Variants in HRNR observed in about 807,000 individuals in gnomAD.
The protein encoded by HRNR is hornerin, also known as filaggrin family member 3.
HRNR carries 7 observed loss-of-function variants against 4.8 expected under a neutral mutation model. That is an observed-to-expected ratio of 1.47 (90% CI 0.83 to 2.75). HRNR has a LOEUF of 2.75. Among genes scored for constraint, HRNR ranks in the 30% most tolerant of loss-of-function variants. HRNR has a pLI of 0.00. For missense variants in HRNR, 2,879 were observed against 3,010.4 expected (o/e 0.96, Z 1.02); for synonymous variants, 1,023 against 1,242.7 (o/e 0.82, Z 3.72).
At position 152,219,481 on chromosome 1, in the gene HRNR, A is replaced by G. The variant is rs765589553; in HGVS notation, c.2148T>C (p.His716=). ...GSGQSSGYSQ[H]GSGSSHSSGY... ...CGGAGGAGTGACTTGAGCCAGATCCATGCTGACTGTAACCAGAGGACTGCC... is the reference window on the plus strand; with the variant it reads ...CGGAGGAGTGACTTGAGCCAGATCCGTGCTGACTGTAACCAGAGGACTGCC... Residue 716 remains histidine (H), a synonymous_variant, in exon 3 of 3, where the codon CAT becomes CAC. Coordinates refer to ENST00000368801, the MANE Select transcript of HRNR (RefSeq NM_001009931.3). 2 of 1,613,990 alleles carry G rather than the reference A, an allele frequency of 1.2e-6. No individual in the cohort carries two copies. Among genetic ancestry groups the G allele is most frequent in the South Asian group, 2.2e-5 (2 of 91,058 alleles).
At position 152,213,217 on chromosome 1, in the gene HRNR, G is replaced by A. The variant is rs769503156; in HGVS notation, c.8412C>T (p.Gly2804=). 6.8e-5 allele frequency: 109 copies of A among 1,613,996 alleles called. No individual in the cohort carries two copies. Among genetic ancestry groups the A allele is most frequent in the Non-Finnish European group, 9.1e-5 (107 of 1,180,036 alleles). Residue 2804 remains glycine, a synonymous_variant, in exon 3 of 3, where the codon GGC becomes GGT. Coordinates refer to ENST00000368801, the MANE Select transcript of HRNR (RefSeq NM_001009931.3). The part of the protein sequence containing the change: ...QSSGYSQHGS[G]SGQDGYSYCK... ...AATAAGAATACCCATCTTGCCCTGAGCCACTTCCATGCTGACTATAACCAG... is the reference window on the plus strand; with the variant it reads ...AATAAGAATACCCATCTTGCCCTGAACCACTTCCATGCTGACTATAACCAG...
In HRNR at chr1:152,220,493, G is replaced by C; in HGVS notation, c.1136C>G (p.Ser379Cys). The change falls in exon 3 of 3, where the codon TCT (serine) becomes TGT (cysteine). Residue 379 changes from serine (S) to cysteine (C), a missense_variant. This residue lies in a region of HRNR where 2,646 missense variants were observed against 1,377.7 expected (regional missense o/e 1.92). Coordinates refer to ENST00000368801, the MANE Select transcript of HRNR (RefSeq NM_001009931.3). ...AGAGCTTGATGCCTGCCCTGACGTA[G>C]ATCCATGTTGTCCCTGGCTAGAGGA... Reference protein sequence around the residue: ...GHSSSQGQHGSTSGQASSSGQ... With the variant: ...GHSSSQGQHGCTSGQASSSGQ... 1 of 1,612,202 alleles carries C rather than the reference G, an allele frequency of 6.2e-7. No individual in the cohort carries two copies. Among genetic ancestry groups the C allele is most frequent in the South Asian group, 1.1e-5 (1 of 90,894 alleles).
At position 152,219,281 on chromosome 1, in the gene HRNR, G is replaced by T; in HGVS notation, c.2348C>A (p.Ser783Tyr). Reference protein sequence around the residue: ...GHSPSRVRHGSSSGHSSSHGQ... With the variant: ...GHSPSRVRHGYSSGHSSSHGQ... ...GTGGCTGGAGGAGTGCCCTGAACTG[G>T]ACCCATGTCGGACACGGCTAGGAGA... is the stretch of plus-strand genomic sequence containing the variant. The change falls in exon 3 of 3, where the codon TCC becomes TAC. Residue 783 changes from serine (S) to tyrosine (Y), a missense_variant. Ser to Tyr is a moderately radical substitution (Grantham distance 144). Around this residue, in one of 8 missense-constraint regions of HRNR, gnomAD observed 2,646 missense variants for 1,377.7 expected, o/e 1.92. Transcript: ENST00000368801. 2 of 1,613,394 alleles carry T rather than the reference G, an allele frequency of 1.2e-6. No homozygotes were observed. The highest frequency in any genetic ancestry group is 1.1e-5 in the South Asian group (1 of 91,072).
rs756540925 is a variant in HRNR, at chr1:152,220,783, G to C, written c.846C>G (p.Ser282Arg). 35 of 1,614,026 alleles carry C rather than the reference G, an allele frequency of 2.2e-5. No homozygotes were observed. Among genetic ancestry groups the C allele is most frequent in the African/African-American group, 2.7e-5 (2 of 74,916 alleles). The change falls in exon 3 of 3, where the codon AGC (serine) becomes AGG (arginine). Residue 282 changes from serine (S) to arginine (R), a missense_variant. By Grantham distance (110) the Ser-to-Arg change is moderately radical (BLOSUM62 -1). Around this residue, in one of 8 missense-constraint regions of HRNR, gnomAD observed 2,646 missense variants for 1,377.7 expected, o/e 1.92. Coordinates refer to ENST00000368801, the MANE Select transcript of HRNR (RefSeq NM_001009931.3). Reference sequence around the variant, plus strand: ...GGGAACCAGACCCATGCTGACCATAGCTGGAAGACGAACCTGAGCTAGATC... The same window carrying C: ...GGGAACCAGACCCATGCTGACCATACCTGGAAGACGAACCTGAGCTAGATC... ...RHRSSSGSSS[S>R]YGQHGSGSRQ... is the part of the protein sequence containing the mutation.
rs559896603 is a variant in HRNR at position 152,218,943 on chromosome 1, G to A, written c.2686C>T (p.Arg896Cys). ...GSGQSPGHGQ[R>C]GSGSGQSPSY... ...GGAGACTGCCCTGACCCAGACCCAC[G>A]CTGGCCGTGGCCTGGAGACTGGCCA... Residue 896 changes from arginine to cysteine, a missense_variant, in exon 3 of 3, where the codon CGT becomes TGT. By Grantham distance (180) the Arg-to-Cys change is radical. Around this residue, in one of 8 missense-constraint regions of HRNR, gnomAD observed 2,646 missense variants for 1,377.7 expected, o/e 1.92. Coordinates refer to ENST00000368801, the MANE Select transcript of HRNR (RefSeq NM_001009931.3). 5.0e-5 allele frequency: 81 copies of A among 1,613,702 alleles called. 1 individual carries two copies. Among genetic ancestry groups the A allele is most frequent in the Admixed American group, 6.7e-5 (4 of 60,010 alleles).
At position 152,221,385 on chromosome 1, in the gene HRNR, C is replaced by G. The variant is rs1465830409; in HGVS notation, c.244G>C (p.Val82Leu). The change falls in exon 3 of 3, where the codon GTT (valine) becomes CTT (leucine). Residue 82 changes from valine (V) to leucine (L), a missense_variant. Val to Leu is a conservative substitution (Grantham distance 32, BLOSUM62 1). This residue lies in a region of HRNR where 2,646 missense variants were observed against 1,377.7 expected (regional missense o/e 1.92). Transcript: ENST00000368801. ...TEYLLMIFKL[V>L]QARNKIIGKD... ...CCAATGATTTTATTACGAGCCTGAACCAGCTTGAATATCATCAGAAGATAC... is the reference window on the plus strand; with the variant it reads ...CCAATGATTTTATTACGAGCCTGAAGCAGCTTGAATATCATCAGAAGATAC... 14 of 1,613,896 alleles carry G rather than the reference C, an allele frequency of 8.7e-6. No homozygotes were observed. Among genetic ancestry groups the G allele is most frequent in the Non-Finnish European group, 1.2e-5 (14 of 1,179,980 alleles).
rs1404696939 is a variant in HRNR at position 152,220,171 on chromosome 1, A to T, written c.1458T>A (p.Gly486=). Reference sequence around the variant, plus strand: ...CGTGTTGTCCGTGGCCGGAGGAGTGACCTGAGCCAGATCCATGCTGAGTGT... The same window carrying T: ...CGTGTTGTCCGTGGCCGGAGGAGTGTCCTGAGCCAGATCCATGCTGAGTGT... ...SGYTQHGSGS[G]HSSGHGQHGS... The change falls in exon 3 of 3, where the codon GGT becomes GGA. Residue 486 remains glycine, a synonymous_variant. Coordinates refer to ENST00000368801, the MANE Select transcript of HRNR (RefSeq NM_001009931.3). The T allele has an allele frequency of 6.2e-7, 1 of 1,612,998 alleles. No individual in the cohort carries two copies. Among genetic ancestry groups the T allele is most frequent in the African/African-American group, 1.3e-5 (1 of 74,814 alleles).
rs1228621844 is a variant in HRNR, at chr1:152,219,809, G to T, written c.1820C>A (p.Ser607Tyr). ...AGAACCATGTTGCCCATGGGTAGAG[G>T]AATGACCCGAGCTAGATCCGTGTTG... ...YGQHGSSSGH[S>Y]STHGQHGSTS... is the part of the protein sequence containing the mutation. The change falls in exon 3 of 3, where the codon TCC (serine) becomes TAC (tyrosine). Residue 607 changes from serine (S) to tyrosine (Y), a missense_variant. Physicochemically the swap from Ser to Tyr is moderately radical, Grantham distance 144. Transcript: ENST00000368801. 6.2e-7 allele frequency: 1 copy of T among 1,612,324 alleles called. No individual in the cohort carries two copies. The highest frequency in any genetic ancestry group is 1.1e-5 in the South Asian group (1 of 91,026).
chr1:152,212,746 T>C lies in HRNR; in HGVS notation c.*330A>G, dbSNP rs1475006064. On this transcript the variant is annotated 3_prime_UTR_variant, in exon 3 of 3. Coordinates refer to ENST00000368801, the MANE Select transcript of HRNR (RefSeq NM_001009931.3). ...GGTTAGCTTTGGCACCATCTATAAA[T>C]GAATGATGAGCTCTCAAAAAGACAA... is the stretch of plus-strand genomic sequence containing the variant. The C allele has an allele frequency of 2.8e-6, 1 of 360,364 alleles. No homozygotes were observed. The highest frequency in any genetic ancestry group is 5.0e-6 in the Non-Finnish European group (1 of 200,544). The allele number at this position is 360,364 out of a possible 1,614,324, so 22.3% of individuals were successfully genotyped here.
rs1227453520 is a variant in HRNR at position 152,221,034 on chromosome 1, A to T, written c.595T>A (p.Ser199Thr). 13 of 1,613,372 alleles carry T rather than the reference A, an allele frequency of 8.1e-6. No homozygotes were observed. The highest frequency in any genetic ancestry group is 1.1e-5 in the South Asian group (1 of 91,002). ...SSGRGQCGSG[S>T]GQSPNYGQHG... ...TGGCCATAGTTGGGAGACTGCCCTG[A>T]CCCAGACCCACATTGGCCGCGGCCT... The change falls in exon 3 of 3, where the codon TCA becomes ACA. Residue 199 changes from serine to threonine, a missense_variant. Physicochemically the swap from Ser to Thr is moderately conservative, Grantham distance 58. Transcript: ENST00000368801.
rs778697324 is a variant in HRNR, at chr1:152,218,797, G to T, written c.2832C>A (p.Tyr944Ter). 2 of 1,613,792 alleles carry T rather than the reference G, an allele frequency of 1.2e-6. No individual in the cohort carries two copies. The highest frequency in any genetic ancestry group is 1.7e-6 in the Non-Finnish European group (2 of 1,179,992). Residue 944 changes from tyrosine (Y) to a stop codon, truncating the protein, a stop_gained, in exon 3 of 3, where the codon TAC becomes TAA. Coordinates refer to ENST00000368801, the MANE Select transcript of HRNR (RefSeq NM_001009931.3). LOFTEE classifies it low-confidence loss of function (END_TRUNC). ...GACCTGAGCCAGATCCATGCTGAGT[G>T]TAACCAGAGGACTGCCCTGAGCTAG... is the stretch of plus-strand genomic sequence containing the variant. ...HKSSSGQSSG[Y>*]TQHGSGSGHS...
At chr1:152,222,216 G>A (rs1649025555) in intron 2 of HRNR, among the ~76,000 whole-genome samples, 1 of 152,148 alleles carries the variant, frequency 6.6e-6, no homozygotes, top group Non-Finnish European at 1.5e-5. Flanking sequence ...GAGCATTCAA[G>A]GAACTGAAGG....
Position 152,213,088 on chromosome 1 carries a change from G to A in HRNR, c.8541C>T (p.Tyr2847=), listed in dbSNP as rs1402765494. Residue 2847 remains tyrosine, a synonymous_variant, in exon 3 of 3, where the codon TAC becomes TAT. Coordinates refer to ENST00000368801, the MANE Select transcript of HRNR (RefSeq NM_001009931.3). The part of the protein sequence containing the change: ...PYEYVQEQRC[Y]FYQ Reference sequence around the variant, plus strand: ...TTATGTTTATTATTCACTGATAAAAGTAGCACCTCTGCTCTTGGACATATT... The same window carrying A: ...TTATGTTTATTATTCACTGATAAAAATAGCACCTCTGCTCTTGGACATATT... 1 of 1,612,518 alleles carries A rather than the reference G, an allele frequency of 6.2e-7. No individual in the cohort carries two copies.
At position 152,221,506 on chromosome 1, in the gene HRNR, G is replaced by A; in HGVS notation, c.139-16C>T. ...CGTTTGGATTCTGTATAAGAGAAAG[G>A]TACAAAGAGTAGCTCTGTTAGTATG... On this transcript the variant is annotated splice_polypyrimidine_tract_variant and intron_variant, in intron 2 of 2. Transcript: ENST00000368801. The A allele has an allele frequency of 6.4e-7, 1 of 1,556,054 alleles. No homozygotes were observed. Among genetic ancestry groups the A allele is most frequent in the Non-Finnish European group, 8.7e-7 (1 of 1,147,020 alleles).
In HRNR at chr1:152,221,441, C is replaced by T. The variant is rs771203207; in HGVS notation, c.188G>A (p.Arg63Gln). 3.0e-5 allele frequency: 48 copies of T among 1,612,144 alleles called. No individual in the cohort carries two copies. Among genetic ancestry groups the T allele is most frequent in the Admixed American group, 2.8e-4 (17 of 59,902 alleles). ...TVDIILQSLD[R>Q]DHNKKVDFTE... is the part of the protein sequence containing the mutation. ...AAAATCCACTTTCTTGTTATGGTCT[C>T]GATCCAGACTTTGCAAGATGATATC... Residue 63 changes from arginine to glutamine, a missense_variant, in exon 3 of 3, where the codon CGA (arginine) becomes CAA (glutamine). Transcript: ENST00000368801.
chr1:152,221,317 G>A lies in HRNR; in HGVS notation c.312C>T (p.Asp104=). The change falls in exon 3 of 3, where the codon GAC becomes GAT. Residue 104 remains aspartate (D), a synonymous_variant. Transcript: ENST00000368801. ...CTTGTTCCTCTTGGTGCTGGTGAGT[G>A]TCATCTCTCAGCTTTGACCCTGAAA... ...CQVSGSKLRD[D]THQHQEEQEE... 1 of 1,613,974 alleles carries A rather than the reference G, an allele frequency of 6.2e-7. No homozygotes were observed. The highest frequency in any genetic ancestry group is 8.5e-7 in the Non-Finnish European group (1 of 1,180,030).
rs1333804395 is a variant in HRNR at position 152,224,192 on chromosome 1, G to T, written c.-75C>A. ...GGTAGAGACAGAAACAGCTTTCAGG[G>T]TGCTGCGAGTTGGGCAGAGTGGCCT... On this transcript the variant is annotated 5_prime_UTR_variant, in exon 1 of 3. Coordinates refer to ENST00000368801, the MANE Select transcript of HRNR (RefSeq NM_001009931.3). 1 of 152,168 alleles carries T rather than the reference G, an allele frequency of 6.6e-6. No homozygotes were observed. The highest frequency in any genetic ancestry group is 1.5e-5 in the Non-Finnish European group (1 of 68,056). 9.4% of individuals were successfully genotyped at this position (152,168 alleles called of 1,614,324 possible). A position where few individuals can be genotyped will look rare whatever the true frequency, so the allele number is the denominator to read the frequency against.
rs1366850784 is a variant in HRNR, at chr1:152,220,644, AG to A, written c.984del (p.Ser329GlnfsTer256). The part of the protein sequence containing the change: ...HSSSHGQHGS[G>X]SSYSYSRGHY... Reference sequence around the variant, plus strand: ...TGGCCACGGCTGTAAGAGTAACTTGAGCCAGACCCGTGTTGGCCGTGGCTGG... The same window carrying A: ...TGGCCACGGCTGTAAGAGTAACTTGACCAGACCCGTGTTGGCCGTGGCTGG... On this transcript the variant is annotated frameshift_variant, in exon 3 of 3. Transcript: ENST00000368801. LOFTEE classifies it low-confidence loss of function (END_TRUNC). 1 of 1,611,950 alleles carries A rather than the reference AG, an allele frequency of 6.2e-7. No homozygotes were observed. Among genetic ancestry groups the A allele is most frequent in the Non-Finnish European group, 8.5e-7 (1 of 1,178,616 alleles).
Position 152,221,252 on chromosome 1 carries a change from G to A in HRNR, c.377C>T (p.Ser126Phe). The A allele has an allele frequency of 6.2e-7, 1 of 1,614,106 alleles. No homozygotes were observed. The highest frequency in any genetic ancestry group is 8.5e-7 in the Non-Finnish European group (1 of 1,180,032). The change falls in exon 3 of 3, where the codon TCT (serine) becomes TTT (phenylalanine). Residue 126 changes from serine (S) to phenylalanine (F), a missense_variant. This residue lies in a region of HRNR where 2,646 missense variants were observed against 1,377.7 expected (regional missense o/e 1.92). Coordinates refer to ENST00000368801, the MANE Select transcript of HRNR (RefSeq NM_001009931.3). ...TGCACTCCAACTTGAATGACTAAAA[G>A]AGGATTCTTGCCGTTTGTTCTCCTC... ...EKEENKRQES[S>F]FSHSSWSAGE...
Sources: allele counts gnomAD v4.1 joint callset (sites outside exome capture counted in the v4.1 genomes callset), GRCh38; gene constraint gnomAD v4.1.1; regional missense constraint gnomAD v4.1.1; transcripts MANE v1.5; gene names NCBI Gene and HGNC (gene_info 2026-07-23, HGNC 2026-07-21).